Variants in PIM3 observed in about 807,000 individuals in gnomAD.
PIM3 encodes the protein Pim-3 proto-oncogene, serine/threonine kinase.
Under a neutral mutation model 27.5 loss-of-function variants are expected in PIM3, and 13 were observed. The ratio of observed to expected loss-of-function variants is 0.47; its 90% CI spans 0.31 to 0.75. The LOEUF (loss-of-function observed/expected upper bound fraction) is 0.75, where lower values mean the gene tolerates loss of function less well. Ranked by LOEUF, PIM3 falls within the 30% of genes least tolerant of loss-of-function variation. The pLI, the probability that PIM3 is intolerant of heterozygous loss-of-function variation, is 0.05. For missense variants in PIM3, 482 were observed against 476.9 expected (o/e 1.01, Z -0.10); for synonymous variants, 341 against 221.1 (o/e 1.54, Z -4.81).
In PIM3 at chr22:49,963,855, G is replaced by A. The variant is rs986821308; in HGVS notation, c.*728G>A. On this transcript the variant is annotated 3_prime_UTR_variant, in exon 6 of 6. Coordinates refer to ENST00000360612, the MANE Select transcript of PIM3 (RefSeq NM_001001852.4). Reference sequence around the variant, plus strand: ...GACACTTCCAGGCACTGTGCCCAGGGTTTGGGTTTTAAATTATTGACTTTG... The same window carrying A: ...GACACTTCCAGGCACTGTGCCCAGGATTTGGGTTTTAAATTATTGACTTTG... 6 of 152,514 alleles carry A rather than the reference G, an allele frequency of 3.9e-5. No homozygotes were observed. Among genetic ancestry groups the A allele is most frequent in the African/African-American group, 1.4e-4 (6 of 41,558 alleles). The allele number at this position is 152,514 out of a possible 1,614,324, so 9.4% of individuals were successfully genotyped here.
intron 2 of PIM3, 38 bp from the exon 3 acceptor site, chr22:49,961,280 G>C: frequency 6.5e-7 from 1 of 1,538,392 alleles, no homozygotes; most frequent in Non-Finnish European, 8.7e-7. Flanking sequence ...CGCGCCTTGC[G>C]CCTCGCTTGG....
At position 49,961,606 on chromosome 22, in the gene PIM3, G is replaced by T; in HGVS notation, c.411G>T (p.Thr137=). 1 of 1,549,802 alleles carries T rather than the reference G, an allele frequency of 6.5e-7. No individual in the cohort carries two copies. Residue 137 remains threonine, a synonymous_variant, in exon 4 of 6, where the codon ACG becomes ACT. Transcript: ENST00000360612. ...EPAQDLFDFI[T]ERGALDEPLA... is the part of the protein sequence containing the mutation. ...CGCAGGACCTCTTCGACTTTATCAC[G>T]GAGCGCGGCGCCCTGGACGAGCCGC...
In PIM3 at chr22:49,962,900, G is replaced by A. The variant is rs749345331; in HGVS notation, c.793+35G>A. ...GGCTCGAGGCGGGGGTGGGGGCCTC[G>A]CCCTGCTTGGGCCCTCCCTGACCTC... On this transcript the variant is annotated intron_variant, in intron 5 of 5. Transcript: ENST00000360612. 6.8e-5 allele frequency: 109 copies of A among 1,597,926 alleles called. No individual in the cohort carries two copies. In the Admixed American group the frequency reaches 1.7e-3, roughly 24 times the overall value.
intron 4 of PIM3, 25 bp downstream of exon 4, chr22:49,961,836 A>G: frequency 6.2e-7 from 1 of 1,609,390 alleles, no homozygotes; most frequent in Non-Finnish European, 8.5e-7. Flanking sequence ...GGGGCAGGGA[A>G]CGTTCCGGGG....
At chr22:49,962,520 C>G (rs1009387997) in intron 4 of PIM3, among the ~76,000 whole-genome samples, 169 bp from the exon 5 acceptor site, 2 of 151,974 alleles carry the variant, frequency 1.3e-5, no homozygotes, top group Admixed American at 1.3e-4. Flanking sequence ...GCCCCTCCCC[C>G]AGCCCCCCCA....
Position 49,960,968 on chromosome 22 carries a change from C to T in PIM3, c.21C>T (p.Gly7=). 3.6e-6 allele frequency: 5 copies of T among 1,384,322 alleles called. No individual in the cohort carries two copies. The highest frequency in any genetic ancestry group is 1.5e-5 in the South Asian group (1 of 68,838). 85.8% of individuals were successfully genotyped at this position (1,384,322 alleles called of 1,614,324 possible). A position where few individuals can be genotyped will look rare whatever the true frequency, so the allele number is the denominator to read the frequency against. Reference sequence around the variant, plus strand: ...CCGCGATGCTGCTCTCCAAGTTCGGCTCCCTGGCGCACCTCTGCGGGCCCG... The same window carrying T: ...CCGCGATGCTGCTCTCCAAGTTCGGTTCCCTGGCGCACCTCTGCGGGCCCG... MLLSKF[G]SLAHLCGPGG... The change falls in exon 1 of 6, where the codon GGC becomes GGT. Residue 7 remains glycine, a synonymous_variant. Transcript: ENST00000360612.
chr22:49,962,632 C>T (rs894707543), intron 4 of PIM3, 57 bp from the exon 5 acceptor site: 16 of 1,538,432 alleles, frequency 1.0e-5, no homozygotes, highest in East Asian at 9.2e-5. Flanking sequence ...GGGACCTCGC[C>T]GTCTGTTGAG....
Position 49,963,054 on chromosome 22 carries a change from G to A in PIM3, c.908G>A (p.Ser303Asn), listed in dbSNP as rs2060917595. Residue 303 changes from serine (S) to asparagine (N), a missense_variant, in exon 6 of 6, where the codon AGC (serine) becomes AAC (asparagine). Coordinates refer to ENST00000360612, the MANE Select transcript of PIM3 (RefSeq NM_001001852.4). ...MLGADGGVPE[S>N]CDLRLCTLDP... ...GGGGCTGACGGGGGCGTCCCGGAGA[G>A]CTGTGACCTGCGGCTGTGCACCCTC... 1.9e-6 allele frequency: 3 copies of A among 1,611,966 alleles called. No homozygotes were observed. Among genetic ancestry groups the A allele is most frequent in the Non-Finnish European group, 2.5e-6 (3 of 1,179,602 alleles).
intron 4 of PIM3, among the ~76,000 whole-genome samples, chr22:49,962,302 G>A (rs2060911663): frequency 6.6e-6 from 1 of 151,576 alleles, no homozygotes. Flanking sequence ...GCGGAGCTTG[G>A]GGAAGCCGGG....
In PIM3 at chr22:49,963,457, C is replaced by A; in HGVS notation, c.*330C>A. Reference sequence around the variant, plus strand: ...GAGCTCTTTCCGCCGGCGCAGGGTCCCAAGCCCACCTCCCGCCCTCAGTCC... The same window carrying A: ...GAGCTCTTTCCGCCGGCGCAGGGTCACAAGCCCACCTCCCGCCCTCAGTCC... On this transcript the variant is annotated 3_prime_UTR_variant, in exon 6 of 6. Transcript: ENST00000360612. 1 of 269,056 alleles carries A rather than the reference C, an allele frequency of 3.7e-6. No individual in the cohort carries two copies. The highest frequency in any genetic ancestry group is 7.2e-6 in the Non-Finnish European group (1 of 138,862). 16.7% of individuals were successfully genotyped at this position (269,056 alleles called of 1,614,324 possible). A position where few individuals can be genotyped will look rare whatever the true frequency, so the allele number is the denominator to read the frequency against.
Position 49,961,451 on chromosome 22 carries a change from A to C in PIM3, c.256A>C (p.Thr86Pro). 1 of 1,438,254 alleles carries C rather than the reference A, an allele frequency of 7.0e-7. No individual in the cohort carries two copies. 89.1% of individuals were successfully genotyped at this position (1,438,254 alleles called of 1,614,324 possible). ...CCGCCGTGTCCCCCAGGGCGGCGCG[A>C]CCGTGCCCCTGGAGGTGGTGCTGCT... ...VTEWGSLGGA[T>P]VPLEVVLLRK... The change falls in exon 4 of 6, where the codon ACC (threonine) becomes CCC (proline). Residue 86 changes from threonine to proline, a missense_variant. Thr to Pro is a conservative substitution (Grantham distance 38). Transcript: ENST00000360612.
intron 5 of PIM3, 33 bp from the exon 6 acceptor site, chr22:49,962,907 T>C (rs4078443): frequency 0.74 from 1,178,658 of 1,596,396 alleles, 437,659 homozygotes; most frequent in Admixed American, 0.82. Context: ...CTCGCCCTGC[T>C]TGGGCCCTCC....
At position 49,962,848 on chromosome 22, in the gene PIM3, G is replaced by A. The variant is rs778434698; in HGVS notation, c.776G>A (p.Arg259Gln). The A allele has an allele frequency of 9.6e-5, 154 of 1,610,088 alleles. 1 individual carries two copies. Among genetic ancestry groups the A allele is most frequent in the Non-Finnish European group, 1.3e-4 (151 of 1,179,608 alleles). ...ATCCTCCGAGGCCGCCTGCTCTTCC[G>A]GAGGAGGGTCTCTCCAGGTGCGTGG... ...EEILRGRLLFRRRVSPECQQL... is the reference protein window; with the variant it reads ...EEILRGRLLFQRRVSPECQQL... Residue 259 changes from arginine (R) to glutamine (Q), a missense_variant, in exon 5 of 6, where the codon CGG becomes CAG. Transcript: ENST00000360612.
At chr22:49,961,103 C>A in intron 1 of PIM3, 22 bp from the exon 2 acceptor site, 1 of 1,453,316 alleles carries the variant, frequency 6.9e-7, no homozygotes. Context: ...GCCGCACCAA[C>A]CCCGCCCGCG....
rs982278186 is a variant in PIM3, at chr22:49,960,936, C to T, written c.-12C>T. On this transcript the variant is annotated 5_prime_UTR_variant, in exon 1 of 6. Transcript: ENST00000360612. Reference sequence around the variant, plus strand: ...CCTGGGGCTCGGGGCTCCGGGGAGGCCGTCGCCCGCGATGCTGCTCTCCAA... The same window carrying T: ...CCTGGGGCTCGGGGCTCCGGGGAGGTCGTCGCCCGCGATGCTGCTCTCCAA... The T allele has an allele frequency of 5.3e-6, 7 of 1,311,540 alleles. No homozygotes were observed. Among genetic ancestry groups the T allele is most frequent in the African/African-American group, 1.5e-5 (1 of 64,876 alleles). The allele number at this position is 1,311,540 out of a possible 1,614,324, so 81.2% of individuals were successfully genotyped here. A position where few individuals can be genotyped will look rare whatever the true frequency, so the allele number is the denominator to read the frequency against.
At position 49,962,588 on chromosome 22, in the gene PIM3, C is replaced by T. The variant is rs1449302518; in HGVS notation, c.617-101C>T. On this transcript the variant is annotated intron_variant, in intron 4 of 5. Coordinates refer to ENST00000360612, the MANE Select transcript of PIM3 (RefSeq NM_001001852.4). ...AGCAGGATTTTGAGGCCTGGCTCTG[C>T]TTCCTGTTACTGAGGCCAGGGAGTT... The T allele has an allele frequency of 4.5e-6, 6 of 1,322,266 alleles. No individual in the cohort carries two copies. In the East Asian group the frequency reaches 7.4e-5, roughly 16 times the overall value. 81.9% of individuals were successfully genotyped at this position (1,322,266 alleles called of 1,614,324 possible).
Position 49,962,753 on chromosome 22 carries a change from C to A in PIM3, c.681C>A (p.Thr227=), listed in dbSNP as rs56188169. ...RYHRYHGRSA[T]VWSLGVLLYD... is the part of the protein sequence containing the mutation. ...ACCGCTACCACGGGCGCTCGGCCAC[C>A]GTGTGGTCGCTGGGCGTGCTTCTCT... Residue 227 remains threonine, a synonymous_variant, in exon 5 of 6, where the codon ACC becomes ACA. Transcript: ENST00000360612. 1.2e-6 allele frequency: 2 copies of A among 1,612,780 alleles called. No individual in the cohort carries two copies. The highest frequency in any genetic ancestry group is 1.7e-6 in the Non-Finnish European group (2 of 1,179,970).
intron 5 of PIM3, 34 bp from the exon 6 acceptor site, chr22:49,962,906 C>T: frequency 6.3e-7 from 1 of 1,598,850 alleles, no homozygotes; most frequent in East Asian, 2.2e-5. Flanking sequence ...CCTCGCCCTG[C>T]TTGGGCCCTC....
rs1052406577 is a variant in PIM3 at position 49,960,784 on chromosome 22, C to A, written c.-164C>A. 10 of 267,080 alleles carry A rather than the reference C, an allele frequency of 3.7e-5. No individual in the cohort carries two copies. The highest frequency in any genetic ancestry group is 2.3e-4 in the African/African-American group (10 of 43,170). 16.5% of individuals were successfully genotyped at this position (267,080 alleles called of 1,614,324 possible). A position where few individuals can be genotyped will look rare whatever the true frequency, so the allele number is the denominator to read the frequency against. ...AGGCGGCCGGGGCGGGTGAGGCGCT[C>A]CGCCTGCTGCGCGTCTACGCGGTCC... On this transcript the variant is annotated 5_prime_UTR_variant, in exon 1 of 6. Coordinates refer to ENST00000360612, the MANE Select transcript of PIM3 (RefSeq NM_001001852.4).
Sources: allele counts gnomAD v4.1 joint callset (sites outside exome capture counted in the v4.1 genomes callset), GRCh38; gene constraint gnomAD v4.1.1; transcripts MANE v1.5; gene names NCBI Gene and HGNC (gene_info 2026-07-23, HGNC 2026-07-21).